RPP14: variants seen among roughly 807,000 people sequenced by gnomAD.
RPP14 encodes ribonuclease P/MRP subunit p14.
Under a neutral mutation model 17.8 loss-of-function variants are expected in RPP14, and 19 were observed. The ratio of observed to expected loss-of-function variants is 1.07; its 90% confidence interval spans 0.74 to 1.57. The LOEUF is 1.57. Ranked by LOEUF, RPP14 falls within the 40% of genes most tolerant of loss-of-function variation. RPP14 has a pLI of 0.00. For missense variants in RPP14, 125 were observed against 140.8 expected, an observed-to-expected ratio of 0.89 and a Z score of 0.57; for synonymous variants, 60 against 56.4, an observed-to-expected ratio of 1.06 and a Z score of -0.29.
Position 58,319,686 on chromosome 3 carries a change from T to A in RPP14, c.*2190T>A, listed in dbSNP as rs2097492434. The A allele has an allele frequency of 6.6e-6, 1 of 151,966 alleles. No individual in the cohort carries two copies. Among genetic ancestry groups the A allele is most frequent in the Non-Finnish European group, 1.5e-5 (1 of 68,022 alleles). The allele number at this position is 151,966 out of a possible 1,614,324, so 9.4% of individuals were successfully genotyped here. ...ATTAAGAAGATTATGGAGGCCAAAT[T>A]CTTAAGACTTTGGGGGCTGGGGTCA... On this transcript the variant is annotated 3_prime_UTR_variant, in exon 6 of 6. Coordinates refer to ENST00000295959, the MANE Select transcript of RPP14 (RefSeq NM_007042.6).
intron 3 of RPP14, 146 bp from the exon 4 acceptor site, chr3:58,316,369 A>G (rs966522104): frequency 2.5e-5 from 17 of 670,772 alleles, no homozygotes; most frequent in Admixed American, 1.4e-4. Context: ...GGGAGCTGTA[A>G]GTAGGCAACT....
chr3:58,318,182 A>C lies in RPP14; in HGVS notation c.*686A>C. The C allele has an allele frequency of 1.7e-6, 1 of 601,924 alleles. No homozygotes were observed. Among genetic ancestry groups the C allele is most frequent in the Non-Finnish European group, 2.9e-6 (1 of 340,508 alleles). 37.3% of individuals were successfully genotyped at this position (601,924 alleles called of 1,614,324 possible). A position where few individuals can be genotyped will look rare whatever the true frequency, so the allele number is the denominator to read the frequency against. ...GCTGTTGTTAAAGAGCCTATGGGGA[A>C]TTGCTGCTCTTTACCAAAGAATGGT... On this transcript the variant is annotated 3_prime_UTR_variant, in exon 6 of 6. Transcript: ENST00000295959.
In RPP14 at chr3:58,319,986, C is replaced by G. The variant is rs1278708386; in HGVS notation, c.*2490C>G. 6.6e-6 allele frequency: 1 copy of G among 152,154 alleles called. No individual in the cohort carries two copies. Among genetic ancestry groups the G allele is most frequent in the East Asian group, 1.9e-4 (1 of 5,196 alleles). 9.4% of individuals were successfully genotyped at this position (152,154 alleles called of 1,614,324 possible). A position where few individuals can be genotyped will look rare whatever the true frequency, so the allele number is the denominator to read the frequency against. On this transcript the variant is annotated 3_prime_UTR_variant, in exon 6 of 6. Coordinates refer to ENST00000295959, the MANE Select transcript of RPP14 (RefSeq NM_007042.6). Reference sequence around the variant, plus strand: ...TCCCATTAGCAGTCAATCCATTTCTCTCCTCCAGTCTTTGGGAATCACCAG... The same window carrying G: ...TCCCATTAGCAGTCAATCCATTTCTGTCCTCCAGTCTTTGGGAATCACCAG...
chr3:58,316,769 C>G (rs1246758755), intron 4 of RPP14, 146 bp from the exon 5 acceptor site: 5 of 868,658 alleles, frequency 5.8e-6, no homozygotes, highest in Admixed American at 5.0e-5. Context: ...CTAGAGAGGG[C>G]AAAACTTACG....
At chr3:58,311,961 C>T (rs1232122190) in intron 3 of RPP14, among the ~76,000 whole-genome samples, 1 of 152,126 alleles carries the variant, frequency 6.6e-6, no homozygotes, top group Admixed American at 6.5e-5. Flanking sequence ...CAGCCTCAAC[C>T]TCCCAAGCTC....
At position 58,317,609 on chromosome 3, in the gene RPP14, T is replaced by C. The variant is rs2097489658; in HGVS notation, c.*113T>C. ...AGCTCTTGATGAAATTTGAGGGTGC[T>C]GAAGATGTTCCCACTAATTTCCAGC... On this transcript the variant is annotated 3_prime_UTR_variant, in exon 6 of 6. Transcript: ENST00000295959. The C allele has an allele frequency of 2.5e-6, 2 of 791,644 alleles. No individual in the cohort carries two copies. The highest frequency in any genetic ancestry group is 4.4e-6 in the Non-Finnish European group (2 of 459,426). 49.0% of individuals were successfully genotyped at this position (791,644 alleles called of 1,614,324 possible). A position where few individuals can be genotyped will look rare whatever the true frequency, so the allele number is the denominator to read the frequency against.
Position 58,310,535 on chromosome 3 carries a change from A to C in RPP14, c.106A>C (p.Asn36His). The change falls in exon 3 of 6, where the codon AAT becomes CAT. Residue 36 changes from asparagine (N) to histidine (H), a missense_variant. Transcript: ENST00000295959. ...ATTTCAAGATTGTGGAGTTGGACTG[A>C]ATGCTGCACAGTTCAAACAGCTGCT... The part of the protein sequence containing the change: ...LEFQDCGVGL[N>H]AAQFKQLLIS... 1 of 1,611,690 alleles carries C rather than the reference A, an allele frequency of 6.2e-7. No individual in the cohort carries two copies. Among genetic ancestry groups the C allele is most frequent in the Non-Finnish European group, 8.5e-7 (1 of 1,179,398 alleles).
At position 58,317,598 on chromosome 3, in the gene RPP14, T is replaced by A. The variant is rs1250797317; in HGVS notation, c.*102T>A. The A allele has an allele frequency of 2.4e-6, 2 of 834,142 alleles. No individual in the cohort carries two copies. The highest frequency in any genetic ancestry group is 1.7e-5 in the African/African-American group (1 of 59,616). The allele number at this position is 834,142 out of a possible 1,614,324, so 51.7% of individuals were successfully genotyped here. ...AGCAGGCTAAAAGCTCTTGATGAAA[T>A]TTGAGGGTGCTGAAGATGTTCCCAC... On this transcript the variant is annotated 3_prime_UTR_variant, in exon 6 of 6. Transcript: ENST00000295959.
At position 58,310,333 on chromosome 3, in the gene RPP14, C is replaced by G. The variant is rs1181120113; in HGVS notation, c.4C>G (p.Pro2Ala). The change falls in exon 2 of 6, where the codon CCT (proline) becomes GCT (alanine). Residue 2 changes from proline (P) to alanine (A), a missense_variant. Physicochemically the swap from Pro to Ala is conservative, Grantham distance 27 (BLOSUM62 -1). Transcript: ENST00000295959. M[P>A]APAATYERVV... ...GGTGTGATCAGCACTGGAAAAGATG[C>G]CTGCCCCTGCTGCCACATATGAAAG... 1.1e-5 allele frequency: 18 copies of G among 1,613,850 alleles called. No individual in the cohort carries two copies. The East Asian group carries it at 4.0e-4, about 36-fold the overall frequency.
At chr3:58,313,275 A>G (rs911143032) in intron 3 of RPP14, among the ~76,000 whole-genome samples, 9 of 152,332 alleles carry the variant, frequency 5.9e-5, no homozygotes, top group Admixed American at 4.6e-4. Context: ...AAGGCTCCTC[A>G]TGAAAAAAAG....
At chr3:58,312,768 C>T (rs1216430876) in intron 3 of RPP14, among the ~76,000 whole-genome samples, 1 of 151,976 alleles carries the variant, frequency 6.6e-6, no homozygotes, top group African/African-American at 2.4e-5. Flanking sequence ...TGAGACTAGC[C>T]TGGCCAACGT....
intron 3 of RPP14, 28 bp downstream of exon 3, chr3:58,310,619 T>G (rs757711037): frequency 1.3e-6 from 2 of 1,569,154 alleles, no homozygotes; most frequent in Non-Finnish European, 1.7e-6. Flanking sequence ...AGATTGAACA[T>G]TCCAAAGATC....
chr3:58,307,423 C>T (rs972928939), intron 1 of RPP14, among the ~76,000 whole-genome samples: 1 of 152,160 alleles, frequency 6.6e-6, no homozygotes, highest in South Asian at 2.1e-4. Context: ...TGCGCAGCCA[C>T]TAAAAAAGGC....
At chr3:58,316,486 G>T (rs1575548034) in intron 3 of RPP14, 29 bp from the exon 4 acceptor site, 9 of 1,585,658 alleles carry the variant, frequency 5.7e-6, no homozygotes, top group Non-Finnish European at 6.9e-6. Flanking sequence ...GGTGAGAATA[G>T]CCTGCTAATA....
At chr3:58,307,135 G>A (rs1559791509) in intron 1 of RPP14, among the ~76,000 whole-genome samples, 1 of 152,194 alleles carries the variant, frequency 6.6e-6, no homozygotes. Context: ...AGCTAGGCTA[G>A]GCCTGTGTGG....
chr3:58,314,114 G>A (rs1398635461), intron 3 of RPP14, among the ~76,000 whole-genome samples: 1 of 152,238 alleles, frequency 6.6e-6, no homozygotes, highest in East Asian at 1.9e-4. Flanking sequence ...ACTTTGGGAG[G>A]CCGAGGTGGG....
chr3:58,310,518 AT>A lies in RPP14; in HGVS notation c.91del (p.Cys31ValfsTer5). 4 of 1,609,654 alleles carry A rather than the reference AT, an allele frequency of 2.5e-6. No homozygotes were observed. Among genetic ancestry groups the A allele is most frequent in the Non-Finnish European group, 3.4e-6 (4 of 1,178,792 alleles). Reference sequence around the variant, plus strand: ...TTCACTTTTTTTAGAGAATTTCAAGATTGTGGAGTTGGACTGAATGCTGCAC... The same window carrying A: ...TTCACTTTTTTTAGAGAATTTCAAGATGTGGAGTTGGACTGAATGCTGCAC... Reference protein sequence around the residue: ...HYMKVCLEFQDCGVGLNAAQF... With the variant: ...HYMKVCLEFQXCGVGLNAAQF... On this transcript the variant is annotated frameshift_variant, in exon 3 of 6. Coordinates refer to ENST00000295959, the MANE Select transcript of RPP14 (RefSeq NM_007042.6). LOFTEE classifies it high-confidence loss of function.
chr3:58,310,531 A>G lies in RPP14; in HGVS notation c.102A>G (p.Gly34=). The change falls in exon 3 of 6, where the codon GGA becomes GGG. Residue 34 remains glycine, a synonymous_variant. Coordinates refer to ENST00000295959, the MANE Select transcript of RPP14 (RefSeq NM_007042.6). ...VCLEFQDCGV[G]LNAAQFKQLL... ...GAGAATTTCAAGATTGTGGAGTTGGACTGAATGCTGCACAGTTCAAACAGC... is the reference window on the plus strand; with the variant it reads ...GAGAATTTCAAGATTGTGGAGTTGGGCTGAATGCTGCACAGTTCAAACAGC... 1 of 1,611,420 alleles carries G rather than the reference A, an allele frequency of 6.2e-7. No individual in the cohort carries two copies. Among genetic ancestry groups the G allele is most frequent in the Non-Finnish European group, 8.5e-7 (1 of 1,179,388 alleles).
At position 58,317,564 on chromosome 3, in the gene RPP14, G is replaced by A; in HGVS notation, c.*68G>A. On this transcript the variant is annotated 3_prime_UTR_variant, in exon 6 of 6. Coordinates refer to ENST00000295959, the MANE Select transcript of RPP14 (RefSeq NM_007042.6). The stretch of plus-strand genomic sequence containing the variant: ...TTTATTTTTTGGTGCCTGCATGTTT[G>A]AAGACTGAAGCAGGCTAAAAGCTCT... 9.7e-7 allele frequency: 1 copy of A among 1,032,082 alleles called. No homozygotes were observed. The highest frequency in any genetic ancestry group is 1.5e-6 in the Non-Finnish European group (1 of 664,906). 63.9% of individuals were successfully genotyped at this position (1,032,082 alleles called of 1,614,324 possible). A position where few individuals can be genotyped will look rare whatever the true frequency, so the allele number is the denominator to read the frequency against.
Sources: allele counts gnomAD v4.1 joint callset (sites outside exome capture counted in the v4.1 genomes callset), GRCh38; gene constraint gnomAD v4.1.1; transcripts MANE v1.5; gene names NCBI Gene and HGNC (gene_info 2026-07-23, HGNC 2026-07-21).